PTPRN2: variants seen among roughly 807,000 people sequenced by gnomAD.
The protein encoded by PTPRN2 is receptor-type tyrosine-protein phosphatase N2.
PTPRN2 carries 74 observed loss-of-function variants against 118.8 expected under a neutral mutation model. That is an observed-to-expected ratio of 0.62 (90% confidence interval 0.52 to 0.76). PTPRN2 has a LOEUF of 0.76. Among genes scored for constraint, PTPRN2 ranks in the 30% least tolerant of loss-of-function variants. The pLI is 0.00. For missense variants in PTPRN2, 1,481 were observed against 1,394.4 expected, an observed-to-expected ratio of 1.06 and a Z score of -0.99; for synonymous variants, 641 against 608.0, an observed-to-expected ratio of 1.05 and a Z score of -0.80.
At chr7:157,982,232 C>T (rs372256363) in intron 11 of PTPRN2, among the ~76,000 whole-genome samples, 2 of 130,640 alleles carry the variant, frequency 1.5e-5, no homozygotes, top group African/African-American at 2.9e-5. Context: ...GAGGGGAATG[C>T]AGAGTGCGGG....
chr7:157,819,669 A>AT (rs1030782456), intron 12 of PTPRN2, among the ~76,000 whole-genome samples: 1 of 151,870 alleles, frequency 6.6e-6, no homozygotes, highest in Non-Finnish European at 1.5e-5. Context: ...GCGCAGGTGC[A>AT]TTCAGGGGAG....
chr7:158,141,156 T>C (rs1449204172), intron 6 of PTPRN2, among the ~76,000 whole-genome samples: 1 of 152,324 alleles, frequency 6.6e-6, no homozygotes, highest in East Asian at 1.9e-4. Context: ...ACTGCGACCC[T>C]CTGCCCTAGA....
At chr7:158,304,372 A>G (rs1014736506) in intron 3 of PTPRN2, among the ~76,000 whole-genome samples, 2 of 149,882 alleles carry the variant, frequency 1.3e-5, no homozygotes, top group Non-Finnish European at 3.0e-5. Flanking sequence ...TCTACATTCT[A>G]GGGAGGCATA....
chr7:158,485,941 T>C (rs980673308), intron 2 of PTPRN2, among the ~76,000 whole-genome samples: 4 of 152,234 alleles, frequency 2.6e-5, no homozygotes, highest in Non-Finnish European at 4.4e-5. Flanking sequence ...TCCGACGTTA[T>C]TAACAACTTT....
At chr7:157,994,926 G>A (rs113855976) in intron 11 of PTPRN2, among the ~76,000 whole-genome samples, 17 of 14,458 alleles carry the variant, frequency 1.2e-3, no homozygotes, top group Non-Finnish European at 1.6e-3. Flanking sequence ...TCAACGCTGC[G>A]TCCCCAGCTT....
intron 12 of PTPRN2, among the ~76,000 whole-genome samples, chr7:157,719,734 C>G (rs1024766834): frequency 2.0e-5 from 3 of 152,232 alleles, no homozygotes; most frequent in Non-Finnish European, 4.4e-5. Flanking sequence ...CTCCCCAGAC[C>G]CCTCTCTGAA....
chr7:158,482,926 C>T (rs1010565918), intron 2 of PTPRN2, among the ~76,000 whole-genome samples: 3 of 152,210 alleles, frequency 2.0e-5, no homozygotes, highest in African/African-American at 7.2e-5. Flanking sequence ...TTCCCCCAGC[C>T]CCTTCTCCTC....
chr7:158,537,052 C>T (rs369504494), intron 1 of PTPRN2, among the ~76,000 whole-genome samples: 1 of 152,170 alleles, frequency 6.6e-6, no homozygotes, highest in East Asian at 1.9e-4. Context: ...GGAAGAGACT[C>T]AGGAGCCCAC....
chr7:157,956,028 C>A (rs1801166084), intron 11 of PTPRN2, among the ~76,000 whole-genome samples: 2 of 152,338 alleles, frequency 1.3e-5, no homozygotes, highest in East Asian at 3.9e-4. Flanking sequence ...TGGGACACTG[C>A]CCCAGGCCAT....
At chr7:158,534,267 G>C (rs1264206120) in intron 1 of PTPRN2, among the ~76,000 whole-genome samples, 1 of 147,454 alleles carries the variant, frequency 6.8e-6, no homozygotes, top group African/African-American at 2.5e-5. Flanking sequence ...CCCACGCCCC[G>C]GGCTCCGTCA....
At chr7:157,788,969 C>T (rs1049077773) in intron 12 of PTPRN2, among the ~76,000 whole-genome samples, 4 of 152,256 alleles carry the variant, frequency 2.6e-5, no homozygotes, top group Non-Finnish European at 5.9e-5. Context: ...CCCCAAGGAA[C>T]GGAGCTCACG....
rs113424179 is a variant in PTPRN2, at chr7:158,174,366, C to T, written c.550-7075G>A. 1.4e-3 allele frequency among the ~76,000 whole-genome samples: 210 copies of T among 152,200 alleles called. 1 individual carries two copies. Among genetic ancestry groups the T allele is most frequent in the African/African-American group, 4.7e-3 (197 of 41,534 alleles). Reference sequence around the variant, plus strand: ...TTCACCATCATCATCCCACCATCCACAGCAGCATCCCCACCATCATCATCT... The same window carrying T: ...TTCACCATCATCATCCCACCATCCATAGCAGCATCCCCACCATCATCATCT... On this transcript the variant is annotated intron_variant, in intron 5 of 22. Coordinates refer to ENST00000389418, the MANE Select transcript of PTPRN2 (RefSeq NM_002847.5).
At chr7:158,331,665 C>T (rs1369843830) in intron 2 of PTPRN2, among the ~76,000 whole-genome samples, 9 of 148,442 alleles carry the variant, frequency 6.1e-5, no homozygotes, top group African/African-American at 1.6e-4. Flanking sequence ...TCACTCACGC[C>T]GACACTCTCA....
At chr7:157,771,956 A>G (rs1802857136) in intron 12 of PTPRN2, among the ~76,000 whole-genome samples, 1 of 134,276 alleles carries the variant, frequency 7.4e-6, no homozygotes, top group Non-Finnish European at 1.5e-5. Flanking sequence ...AGACACACAT[A>G]CAGACAGACA....
intron 15 of PTPRN2, 150 bp from the exon 16 acceptor site, chr7:157,604,225 A>G (rs1801872206): frequency 1.4e-6 from 1 of 703,656 alleles, no homozygotes; most frequent in African/African-American, 1.8e-5. Flanking sequence ...ACTCCCAAAC[A>G]GCCTCCAGGG....
At position 157,831,087 on chromosome 7, in the gene PTPRN2, T is replaced by C. The variant is rs12155336; in HGVS notation, c.1788+67586A>G. Among the ~76,000 whole-genome samples, 9,238 of 152,232 alleles carry C rather than the reference T, an allele frequency of 0.061. 449 individuals carry two copies. Among genetic ancestry groups the C allele is most frequent in the East Asian group, 0.22 (1,115 of 5,158 alleles). ...AGGGTGCAGGTGCTCATTTTACTCT[T>C]CTTTCAACTTGTTTGACAGTGTGGA... On this transcript the variant is annotated intron_variant, in intron 12 of 22. Transcript: ENST00000389418. This position sits in a 1 kb window ranked among gnomAD's most constrained non-coding sequence, Gnocchi z 4.8.
intron 3 of PTPRN2, among the ~76,000 whole-genome samples, chr7:158,303,522 C>G: frequency 6.6e-6 from 1 of 152,186 alleles, no homozygotes; most frequent in East Asian, 1.9e-4. Flanking sequence ...TACTAATTTA[C>G]CATACAGGAT....
chr7:158,135,147 T>G (rs1035425509), intron 8 of PTPRN2, among the ~76,000 whole-genome samples: 1 of 152,190 alleles, frequency 6.6e-6, no homozygotes, highest in Admixed American at 6.5e-5. Context: ...AAATTATATC[T>G]TCAATATTAT....
intron 1 of PTPRN2, among the ~76,000 whole-genome samples, chr7:158,531,205 C>T (rs924188391): frequency 6.6e-6 from 1 of 152,220 alleles, no homozygotes; most frequent in Non-Finnish European, 1.5e-5. Context: ...AGCAAATTTA[C>T]AGACACATCA....
Sources: gnomAD v4.1 joint callset for allele counts (sites outside exome capture counted in the v4.1 genomes callset) on GRCh38, gnomAD v4.1.1 for gene constraint, Gnocchi (gnomAD v3.1) non-coding constraint, MANE v1.5 for transcripts, NCBI Gene and HGNC (gene_info 2026-07-23, HGNC 2026-07-21) for gene names.